RBFOX1: variants seen among roughly 807,000 people sequenced by gnomAD.
RBFOX1 encodes RNA binding fox-1 homolog 1, also known as RNA binding protein fox-1 homolog 1.
Under a neutral mutation model 57.7 loss-of-function variants are expected in RBFOX1, and 8 were observed. The observed-to-expected ratio is 0.14, with a 90% CI of 0.08 to 0.25. The LOEUF (loss-of-function observed/expected upper bound fraction) is 0.25, where lower values mean the gene tolerates loss of function less well. RBFOX1 is among the 10% of genes least tolerant of loss of function. RBFOX1 has a pLI of 1.00. For missense variants in RBFOX1, 611 were observed against 548.5 expected, an observed-to-expected ratio of 1.11 and a Z score of -1.14; for synonymous variants, 326 against 222.4, an observed-to-expected ratio of 1.47 and a Z score of -4.15.
intron 2 of RBFOX1, among the ~76,000 whole-genome samples, chr16:6,398,689 T>C (rs1445770320): frequency 6.6e-6 from 1 of 152,244 alleles, no homozygotes; most frequent in Non-Finnish European, 1.5e-5. Flanking sequence ...CCCATGGCCT[T>C]GGGCAGCTCT....
chr16:6,799,254 G>A (rs2084799443), intron 3 of RBFOX1, among the ~76,000 whole-genome samples: 1 of 152,030 alleles, frequency 6.6e-6, no homozygotes. Context: ...GACACAGCAG[G>A]GCCACCCCAC....
chr16:6,794,227 C>T (rs912511083), intron 3 of RBFOX1, among the ~76,000 whole-genome samples: 1 of 151,098 alleles, frequency 6.6e-6, no homozygotes, highest in South Asian at 2.1e-4. Context: ...ACTTTTAGGT[C>T]CTCTCAGAGC....
intron 10 of RBFOX1, among the ~76,000 whole-genome samples, chr16:7,620,933 C>G (rs547368232): frequency 2.0e-5 from 3 of 152,220 alleles, no homozygotes; most frequent in African/African-American, 7.2e-5. Flanking sequence ...TTAATGGGCA[C>G]TGTCAATATT....
At chr16:5,366,648 G>T in intron 1 of RBFOX1, 1 of 431,398 alleles carries the variant, frequency 2.3e-6, no homozygotes, top group South Asian at 1.9e-5. Context: ...TGACTGACCA[G>T]GAGGCTATTC....
At chr16:6,971,232 C>T (rs1175141263) in intron 3 of RBFOX1, among the ~76,000 whole-genome samples, 2 of 152,096 alleles carry the variant, frequency 1.3e-5, no homozygotes, top group Non-Finnish European at 2.9e-5. Flanking sequence ...TAAAAGGCAG[C>T]TGAATTGTTA....
intron 1 of RBFOX1, among the ~76,000 whole-genome samples, chr16:6,096,378 A>G (rs1052002467): frequency 6.6e-6 from 1 of 152,174 alleles, no homozygotes; most frequent in East Asian, 1.9e-4. Context: ...GCACCCCACT[A>G]TGTTTGCTCT....
In RBFOX1 at chr16:6,531,103, G is replaced by A. The variant is rs186262712; in HGVS notation, c.-63-123500G>A. ...TTCTACTGGAACTGCATGAGTGACA[G>A]TCAAGTCACTTGTGCTTACCATGCC... On this transcript the variant is annotated intron_variant, in intron 2 of 15. Transcript: ENST00000550418. Among the ~76,000 whole-genome samples, 4 of 152,292 alleles carry A rather than the reference G, an allele frequency of 2.6e-5. No individual in the cohort carries two copies. The East Asian group carries it at 7.8e-4, about 30-fold the overall frequency.
At chr16:7,004,477 G>T (rs895754743) in intron 3 of RBFOX1, among the ~76,000 whole-genome samples, 11 of 152,122 alleles carry the variant, frequency 7.2e-5, no homozygotes, top group African/African-American at 2.4e-4. Flanking sequence ...TTGGAGCCCA[G>T]CCCAGGTTTG....
intron 4 of RBFOX1, among the ~76,000 whole-genome samples, chr16:7,404,668 G>C (rs1337432680): frequency 6.6e-6 from 1 of 152,094 alleles, no homozygotes; most frequent in Non-Finnish European, 1.5e-5. Context: ...GAAATAGGTA[G>C]CAAGTCTGTG....
intron 2 of RBFOX1, among the ~76,000 whole-genome samples, chr16:6,541,939 T>C (rs991235827): frequency 8.6e-5 from 13 of 151,032 alleles, no homozygotes; most frequent in African/African-American, 3.2e-4. Flanking sequence ...TTGATTTACA[T>C]CTCCCCCTTT....
At chr16:7,400,843 A>C (rs1009288941) in intron 4 of RBFOX1, among the ~76,000 whole-genome samples, 3 of 152,212 alleles carry the variant, frequency 2.0e-5, no homozygotes, top group African/African-American at 7.2e-5. Context: ...GCGCTTGCCC[A>C]TTAAGTGATA....
intron 4 of RBFOX1, chr16:7,332,789 T>A: frequency 7.2e-7 from 1 of 1,396,086 alleles, no homozygotes; most frequent in Non-Finnish European, 9.3e-7. Flanking sequence ...AGCTGCTGTG[T>A]CTCTTCGTCG....
chr16:7,383,471 A>G (rs1597061837), intron 4 of RBFOX1, among the ~76,000 whole-genome samples: 1 of 152,268 alleles, frequency 6.6e-6, no homozygotes, highest in African/African-American at 2.4e-5. Flanking sequence ...GTTTTAGGCT[A>G]GCCAGGGCCA....
chr16:6,357,013 A>G (rs1440396290), intron 2 of RBFOX1, among the ~76,000 whole-genome samples: 1 of 152,052 alleles, frequency 6.6e-6, no homozygotes, highest in African/African-American at 2.4e-5. Context: ...CTGGGCCAAG[A>G]CTGAACTGTG....
chr16:6,202,784 T>G (rs1201364756), intron 1 of RBFOX1, among the ~76,000 whole-genome samples: 2 of 152,118 alleles, frequency 1.3e-5, no homozygotes, highest in Admixed American at 6.6e-5. Flanking sequence ...TTAGTATTGA[T>G]TTTTCTTTTC....
intron 3 of RBFOX1, among the ~76,000 whole-genome samples, chr16:5,642,623 C>T (rs1011048345): frequency 1.3e-5 from 2 of 152,166 alleles, no homozygotes; most frequent in African/African-American, 2.4e-5. Flanking sequence ...CCCCCTTCCC[C>T]AGCCACCCAG....
chr16:6,488,575 TG>T (rs765545130), intron 2 of RBFOX1, among the ~76,000 whole-genome samples: 2 of 152,162 alleles, frequency 1.3e-5, no homozygotes, highest in African/African-American at 2.4e-5. Context: ...TTAGAAAAAG[TG>T]ATTAGACTGC....
At chr16:6,244,485 C>T (rs546961187) in intron 1 of RBFOX1, among the ~76,000 whole-genome samples, 4 of 152,150 alleles carry the variant, frequency 2.6e-5, no homozygotes, top group South Asian at 4.2e-4. Flanking sequence ...CCAAGTTTGG[C>T]GTGTGTCTCT....
chr16:6,243,299 C>G (rs1296434635), intron 1 of RBFOX1, among the ~76,000 whole-genome samples: 1 of 152,072 alleles, frequency 6.6e-6, no homozygotes, highest in East Asian at 1.9e-4. Flanking sequence ...TTTGTACTTT[C>G]AAAGAATTTT....
Sources: allele counts gnomAD v4.1 joint callset (sites outside exome capture counted in the v4.1 genomes callset), GRCh38; gene constraint gnomAD v4.1.1; transcripts MANE v1.5; gene names NCBI Gene and HGNC (gene_info 2026-07-23, HGNC 2026-07-21).